Variants in GLIS3 observed in about 807,000 individuals in gnomAD.
The protein encoded by GLIS3 is GLIS family zinc finger 3, also known as zinc finger protein GLIS3.
Under a neutral mutation model 78.6 loss-of-function variants are expected in GLIS3, and 53 were observed. The observed-to-expected ratio is 0.67, with a 90% CI of 0.54 to 0.85. The LOEUF (loss-of-function observed/expected upper bound fraction) is 0.85. Among genes scored for constraint, GLIS3 ranks in the 40% least tolerant of loss-of-function variants. The probability of loss-of-function intolerance (pLI) is 0.00; values close to 1 mark genes in which losing one functional copy is unlikely to be tolerated. For missense variants in GLIS3, 1,703 were observed against 1,231.1 expected (o/e 1.38, Z -5.74); for synonymous variants, 684 against 509.9 (o/e 1.34, Z -4.60).
chr9:4,360,043 A>G, the GLIS3 span, among the ~76,000 whole-genome samples: 1 of 151,904 alleles, frequency 6.6e-6, no homozygotes, highest in Admixed American at 6.6e-5. Flanking sequence ...AAAAAATTAC[A>G]CAAATTGAAG....
Position 3,828,391 on chromosome 9 carries a change from T to C in GLIS3, c.2674A>G (p.Ser892Gly), listed in dbSNP as rs749999750. The C allele has an allele frequency of 3.7e-6, 6 of 1,613,418 alleles. No individual in the cohort carries two copies. Among genetic ancestry groups the C allele is most frequent in the Non-Finnish European group, 5.1e-6 (6 of 1,180,018 alleles). ...GACTCCCCAAAGAGGCTCGAGGAAC[T>C]TGAAGGTAAATCATACACTGGAAGA... ...SGITVYDLPS[S>G]SSSLFGESLR... The change falls in exon 11 of 11, where the codon AGT (serine) becomes GGT (glycine). Residue 892 changes from serine to glycine, a missense_variant. Physicochemically the swap from Ser to Gly is moderately conservative, Grantham distance 56. Coordinates refer to ENST00000381971, the MANE Select transcript of GLIS3 (RefSeq NM_001042413.2).
At position 4,182,466 on chromosome 9, in the gene GLIS3, C is replaced by A. The variant is rs549082627; in HGVS notation, c.389-56525G>T. ...ATAGAAAACCTGAAACTTCTCCACA[C>A]TGTCGGGGATATTTTATCATCAGTG... is the stretch of plus-strand genomic sequence containing the variant. On this transcript the variant is annotated intron_variant, in intron 2 of 10. Transcript: ENST00000381971. Among the ~76,000 whole-genome samples, 24 of 152,290 alleles carry A rather than the reference C, an allele frequency of 1.6e-4. No individual in the cohort carries two copies. The South Asian group carries it at 4.8e-3, about 30-fold the overall frequency.
chr9:4,420,172 G>A, the GLIS3 span, among the ~76,000 whole-genome samples: 1 of 152,152 alleles, frequency 6.6e-6, no homozygotes, highest in East Asian at 1.9e-4. Context: ...AACCAAAATT[G>A]AAAACCACAG....
chr9:4,208,945 G>A (rs1261020441), intron 2 of GLIS3, among the ~76,000 whole-genome samples: 1 of 152,152 alleles, frequency 6.6e-6, no homozygotes. Flanking sequence ...TGGATCCCCA[G>A]CTTCTCTGAT....
chr9:4,421,525 A>G, the GLIS3 span, among the ~76,000 whole-genome samples: 1 of 152,206 alleles, frequency 6.6e-6, no homozygotes, highest in African/African-American at 2.4e-5. Context: ...TCATCATTCA[A>G]ATACTTATTC....
the GLIS3 span, among the ~76,000 whole-genome samples, chr9:4,472,766 A>G: frequency 3.9e-5 from 6 of 152,188 alleles, no homozygotes; most frequent in African/African-American, 1.4e-4. Context: ...TTTAAAAAAG[A>G]ACTAAAATTG....
At chr9:4,261,062 T>G (rs988422796) in intron 2 of GLIS3, among the ~76,000 whole-genome samples, 1 of 152,226 alleles carries the variant, frequency 6.6e-6, no homozygotes, top group Non-Finnish European at 1.5e-5. Context: ...TAGAGATGTT[T>G]AAGCCCAAGC....
chr9:3,844,263 A>G (rs886347151), intron 9 of GLIS3, among the ~76,000 whole-genome samples: 4 of 152,088 alleles, frequency 2.6e-5, no homozygotes, highest in Non-Finnish European at 2.9e-5. Flanking sequence ...TAGCTGTTAC[A>G]TTTTTTTCTT....
chr9:3,943,795 G>C (rs373482237), intron 4 of GLIS3, among the ~76,000 whole-genome samples: 9 of 152,302 alleles, frequency 5.9e-5, no homozygotes, highest in South Asian at 2.1e-4. Flanking sequence ...CGGTCATCTG[G>C]CATTCTGAAG....
intron 2 of GLIS3, among the ~76,000 whole-genome samples, chr9:4,247,103 C>T (rs1376334429): frequency 1.3e-5 from 2 of 152,168 alleles, no homozygotes; most frequent in Non-Finnish European, 2.9e-5. Flanking sequence ...CCTTGGTCTT[C>T]CTGAGTTCGG....
chr9:3,866,869 G>T (rs1303010166), intron 8 of GLIS3, among the ~76,000 whole-genome samples: 2 of 151,808 alleles, frequency 1.3e-5, no homozygotes, highest in African/African-American at 2.4e-5. Context: ...TGAGCTGGTG[G>T]GATGAGGGTA....
At chr9:3,908,702 ATTTGTTTTT>A (rs1805857894) in intron 6 of GLIS3, among the ~76,000 whole-genome samples, 2 of 29,088 alleles carry the variant, frequency 6.9e-5, no homozygotes, top group African/African-American at 3.0e-4. Context: ...TGTGATTTGT[ATTTGTTTTT>A]TTTTTTTTTT....
At chr9:4,058,616 C>G (rs1222642631) in intron 4 of GLIS3, among the ~76,000 whole-genome samples, 2 of 152,122 alleles carry the variant, frequency 1.3e-5, no homozygotes, top group African/African-American at 4.8e-5. Flanking sequence ...TGACTATTTC[C>G]TCTCTTGGCC....
At chr9:3,865,432 G>C (rs906860048) in intron 8 of GLIS3, among the ~76,000 whole-genome samples, 3 of 152,202 alleles carry the variant, frequency 2.0e-5, no homozygotes, top group African/African-American at 7.2e-5. Context: ...AAGCACTTTG[G>C]AATATGTGGA....
intron 2 of GLIS3, among the ~76,000 whole-genome samples, chr9:4,171,978 G>T (rs1006108505): frequency 2.0e-5 from 3 of 151,990 alleles, no homozygotes; most frequent in Non-Finnish European, 4.4e-5. Context: ...TAACCAGAAG[G>T]GTTTTTTGTG....
At chr9:4,370,402 T>A in the GLIS3 span, among the ~76,000 whole-genome samples, 1,815 of 152,106 alleles carry the variant, frequency 0.012, 42 homozygotes, top group African/African-American at 0.041. Flanking sequence ...TAGCCCAGTG[T>A]TGCGTGTTTC....
At chr9:4,307,953 G>A (rs1324240374) in intron 4 of GLIS3, among the ~76,000 whole-genome samples, 1 of 152,118 alleles carries the variant, frequency 6.6e-6, no homozygotes, top group Admixed American at 6.5e-5. Context: ...GCTATTTAGG[G>A]TAACTTGTGA....
At chr9:3,899,929 C>A (rs1823159020) in intron 6 of GLIS3, among the ~76,000 whole-genome samples, 1 of 152,108 alleles carries the variant, frequency 6.6e-6, no homozygotes, top group Non-Finnish European at 1.5e-5. Context: ...TAAGGGGTGG[C>A]AGCTTTAGAT....
At chr9:4,333,385 G>C (rs560370028) in intron 2 of GLIS3, among the ~76,000 whole-genome samples, 1 of 151,808 alleles carries the variant, frequency 6.6e-6, no homozygotes, top group East Asian at 1.9e-4. Flanking sequence ...AAGGAAGGGA[G>C]AGAGGGAAAG....
Sources: allele counts gnomAD v4.1 joint callset (sites outside exome capture counted in the v4.1 genomes callset), GRCh38; gene constraint gnomAD v4.1.1; transcripts MANE v1.5; gene names NCBI Gene and HGNC (gene_info 2026-07-23, HGNC 2026-07-21).